METTL15: variants seen among roughly 807,000 people sequenced by gnomAD.
METTL15 encodes 12S rRNA N(4)-cytidine methyltransferase METTL15.
METTL15 carries 34 observed loss-of-function variants against 38.3 expected under a neutral mutation model. That is an observed-to-expected ratio of 0.89 (90% CI 0.68 to 1.18). The LOEUF (loss-of-function observed/expected upper bound fraction) is 1.18, where lower values mean the gene tolerates loss of function less well. Among genes scored for constraint, METTL15 ranks in the 50% most tolerant of loss-of-function variants. The pLI, the probability that METTL15 is intolerant of heterozygous loss-of-function variation, is 0.00. For synonymous variants in METTL15, 162 were observed against 170.9 expected, an observed-to-expected ratio of 0.95 and a Z score of 0.41; for missense variants, 438 against 498.4, an observed-to-expected ratio of 0.88 and a Z score of 1.15.
At chr11:28,295,325 C>G (rs751076205) in intron 5 of METTL15, among the ~76,000 whole-genome samples, 8 of 152,006 alleles carry the variant, frequency 5.3e-5, no homozygotes, top group Non-Finnish European at 8.8e-5. Flanking sequence ...GTAGCAGGAC[C>G]AGGATTCTAA....
At chr11:28,307,793 T>G (rs950139750) in intron 6 of METTL15, among the ~76,000 whole-genome samples, 1 of 151,982 alleles carries the variant, frequency 6.6e-6, no homozygotes, top group Non-Finnish European at 1.5e-5. Flanking sequence ...GGTTTTACTT[T>G]CTAAGAATTA....
intron 5 of METTL15, among the ~76,000 whole-genome samples, chr11:28,413,772 T>C (rs1850749174): frequency 6.6e-6 from 1 of 152,180 alleles, no homozygotes; most frequent in Non-Finnish European, 1.5e-5. Flanking sequence ...ATCAGTGCAC[T>C]CACTACTCAC....
At chr11:28,301,351 C>A (rs906199015) in intron 6 of METTL15, among the ~76,000 whole-genome samples, 1 of 152,122 alleles carries the variant, frequency 6.6e-6, no homozygotes, top group Non-Finnish European at 1.5e-5. Flanking sequence ...CACTTCCTCA[C>A]AAAGTTTTTT....
At chr11:28,184,209 G>A in intron 3 of METTL15, among the ~76,000 whole-genome samples, 1 of 151,928 alleles carries the variant, frequency 6.6e-6, no homozygotes, top group Non-Finnish European at 1.5e-5. Flanking sequence ...CGAAAAACCA[G>A]CTTCTGGATT....
intron 5 of METTL15, among the ~76,000 whole-genome samples, chr11:28,395,823 T>A (rs879118395): frequency 6.6e-6 from 1 of 152,142 alleles, no homozygotes; most frequent in East Asian, 1.9e-4. Context: ...ATATCCCTGA[T>A]GAACATCGAT....
chr11:28,366,097 C>T (rs1047675557), intron 5 of METTL15, among the ~76,000 whole-genome samples: 3 of 152,122 alleles, frequency 2.0e-5, no homozygotes, highest in Middle Eastern at 3.4e-3. Flanking sequence ...TTGTCAGGAG[C>T]ACAGTGAGTT....
At chr11:28,119,843 T>C (rs962377313) in intron 3 of METTL15, among the ~76,000 whole-genome samples, 4 of 152,212 alleles carry the variant, frequency 2.6e-5, no homozygotes, top group African/African-American at 9.6e-5. Context: ...GTTTGCTCTC[T>C]TTAAATATTG....
At chr11:28,188,146 CCAATTAGCTTTT>C (rs1198236229) in intron 3 of METTL15, among the ~76,000 whole-genome samples, 1 of 151,102 alleles carries the variant, frequency 6.6e-6, no homozygotes, top group Non-Finnish European at 1.5e-5. Flanking sequence ...AAAATTTTAT[CCAATTAGCTTTT>C]TAAATGGAAA....
intron 4 of METTL15, among the ~76,000 whole-genome samples, chr11:28,257,252 T>C (rs1438902654): frequency 6.6e-6 from 1 of 152,202 alleles, no homozygotes. Context: ...AGTCTGCTGC[T>C]AGTTCTATTG....
At chr11:28,277,020 A>C (rs1191530378) in intron 4 of METTL15, among the ~76,000 whole-genome samples, 1 of 152,224 alleles carries the variant, frequency 6.6e-6, no homozygotes, top group Admixed American at 6.5e-5. Flanking sequence ...AACACCTCAA[A>C]AGTACAGGCA....
intron 4 of METTL15, among the ~76,000 whole-genome samples, chr11:28,260,979 A>G (rs966204400): frequency 1.3e-5 from 2 of 152,126 alleles, no homozygotes; most frequent in Non-Finnish European, 2.9e-5. Context: ...TTTATGGTTT[A>G]TGGGCTTCAA....
At chr11:28,160,384 TA>T (rs1850415320) in intron 3 of METTL15, among the ~76,000 whole-genome samples, 1 of 152,032 alleles carries the variant, frequency 6.6e-6, no homozygotes. Context: ...ATCCTTCTCT[TA>T]AGGGTATTAT....
intron 5 of METTL15, among the ~76,000 whole-genome samples, chr11:28,372,251 G>A (rs1418462358): frequency 6.6e-6 from 1 of 151,814 alleles, no homozygotes; most frequent in Admixed American, 6.6e-5. Flanking sequence ...TTTTGTTCCT[G>A]GTTATGTTAA....
intron 4 of METTL15, among the ~76,000 whole-genome samples, chr11:28,284,059 G>T (rs1856160053): frequency 6.6e-6 from 1 of 152,170 alleles, no homozygotes. Flanking sequence ...AGAGTCTAAA[G>T]TTGTGGCTGA....
chr11:28,239,341 T>C (rs1854182931), intron 4 of METTL15, among the ~76,000 whole-genome samples: 1 of 152,184 alleles, frequency 6.6e-6, no homozygotes. Flanking sequence ...CTTTTAATAA[T>C]AAAAAAGCAT....
In METTL15 at chr11:28,227,900, A is replaced by G. The variant is rs140219610; in HGVS notation, c.407+16702A>G. Among the ~76,000 whole-genome samples the G allele has an allele frequency of 9.7e-3, 1,472 of 151,980 alleles. 18 individuals carry two copies. Among genetic ancestry groups the G allele is most frequent in the South Asian group, 0.04 (191 of 4,826 alleles). ...TCCTGATCATTCTATTAGAAATTCTACTTTGCTTTAATGATCTCTGGCTTC... is the reference window on the plus strand; with the variant it reads ...TCCTGATCATTCTATTAGAAATTCTGCTTTGCTTTAATGATCTCTGGCTTC... On this transcript the variant is annotated intron_variant, in intron 4 of 6. Coordinates refer to ENST00000407364, the MANE Select transcript of METTL15 (RefSeq NM_001113528.2).
intron 6 of METTL15, among the ~76,000 whole-genome samples, chr11:28,431,707 C>T (rs1452847979): frequency 4.2e-5 from 4 of 96,126 alleles, no homozygotes; most frequent in Non-Finnish European, 8.3e-5. Context: ...TATCTGCTGA[C>T]CTTCCCTCCA....
intron 3 of METTL15, among the ~76,000 whole-genome samples, chr11:28,181,217 T>C (rs1337171731): frequency 1.3e-5 from 2 of 151,336 alleles, no homozygotes; most frequent in East Asian, 3.9e-4. Flanking sequence ...AATTTTTTGC[T>C]AATACTAAAG....
chr11:28,425,354 A>T (rs1850854807), intron 6 of METTL15, among the ~76,000 whole-genome samples: 1 of 152,168 alleles, frequency 6.6e-6, no homozygotes, highest in Admixed American at 6.5e-5. Context: ...CAGACTCCTG[A>T]ATGTCACCTC....
Sources: allele counts gnomAD v4.1 joint callset (sites outside exome capture counted in the v4.1 genomes callset), GRCh38; gene constraint gnomAD v4.1.1; transcripts MANE v1.5; gene names NCBI Gene and HGNC (gene_info 2026-07-23, HGNC 2026-07-21).